Variants in SGCZ observed in about 807,000 individuals in gnomAD.
SGCZ encodes sarcoglycan zeta.
Under a neutral mutation model 41.3 loss-of-function variants are expected in SGCZ, and 40 were observed. That is an observed-to-expected ratio of 0.97 (90% CI 0.75 to 1.26). The LOEUF is 1.26. SGCZ is among the 50% of genes most tolerant of loss of function. SGCZ has a pLI of 0.00. For missense variants in SGCZ, 552 were observed against 369.8 expected, an observed-to-expected ratio of 1.49 and a Z score of -4.04; for synonymous variants, 206 against 137.5, an observed-to-expected ratio of 1.50 and a Z score of -3.49.
chr8:14,600,082 C>G (rs977174000), intron 1 of SGCZ, among the ~76,000 whole-genome samples: 1 of 152,118 alleles, frequency 6.6e-6, no homozygotes, highest in Non-Finnish European at 1.5e-5. Flanking sequence ...TACAAAACCT[C>G]ATTTTATCCC....
intron 1 of SGCZ, among the ~76,000 whole-genome samples, chr8:14,632,695 C>T (rs181704865): frequency 9.2e-5 from 14 of 152,164 alleles, no homozygotes; most frequent in Admixed American, 9.2e-4. Flanking sequence ...CACAATTCAT[C>T]TGAAATCAGG....
At chr8:14,843,848 G>T (rs1015567038) in intron 1 of SGCZ, among the ~76,000 whole-genome samples, 1 of 151,818 alleles carries the variant, frequency 6.6e-6, no homozygotes, top group Non-Finnish European at 1.5e-5. Context: ...TATTACTTGG[G>T]TTCCCAGTCT....
intron 1 of SGCZ, among the ~76,000 whole-genome samples, chr8:14,557,397 G>T (rs1804066800): frequency 6.6e-6 from 1 of 151,852 alleles, no homozygotes; most frequent in South Asian, 2.1e-4. Flanking sequence ...ACCTTTCTGA[G>T]TGTTCCTTTT....
chr8:14,291,553 G>A (rs561930550), intron 3 of SGCZ, among the ~76,000 whole-genome samples: 1 of 151,876 alleles, frequency 6.6e-6, no homozygotes, highest in Non-Finnish European at 1.5e-5. Context: ...TATCTTAGCT[G>A]TCTATACTCT....
intron 1 of SGCZ, among the ~76,000 whole-genome samples, chr8:15,011,980 T>C (rs1015968261): frequency 6.6e-6 from 1 of 152,078 alleles, no homozygotes; most frequent in Non-Finnish European, 1.5e-5. Context: ...CAAAGAAGAG[T>C]AGCTCTATTA....
At chr8:14,703,032 C>A (rs1325650688) in intron 1 of SGCZ, among the ~76,000 whole-genome samples, 1 of 151,860 alleles carries the variant, frequency 6.6e-6, no homozygotes, top group African/African-American at 2.4e-5. Context: ...TTACTACCAT[C>A]CTGAAGCAAG....
At position 14,346,212 on chromosome 8, in the gene SGCZ, T is replaced by C. The variant is rs543795496; in HGVS notation, c.235-22008A>G. Among the ~76,000 whole-genome samples the C allele has an allele frequency of 4.6e-5, 7 of 152,180 alleles. No individual in the cohort carries two copies. The East Asian group carries it at 5.8e-4, about 13-fold the overall frequency. ...ACTGGGGTTGTGGAGTGAGTTGATA[T>C]ATGGGAATTGTTTGTACATTCTGCT... On this transcript the variant is annotated intron_variant, in intron 2 of 7. Transcript: ENST00000382080.
chr8:14,807,190 C>T (rs1012502098), intron 1 of SGCZ, among the ~76,000 whole-genome samples: 2 of 152,016 alleles, frequency 1.3e-5, no homozygotes, highest in African/African-American at 4.8e-5. Flanking sequence ...TGCCCTCTCT[C>T]ACCACTCCTA....
At chr8:14,439,679 A>G (rs916461480) in intron 2 of SGCZ, among the ~76,000 whole-genome samples, 15 of 152,030 alleles carry the variant, frequency 9.9e-5, no homozygotes, top group African/African-American at 3.6e-4. Flanking sequence ...GAAAAATTAC[A>G]TTATCATATG....
At chr8:14,702,772 G>GATAA (rs1809184534) in intron 1 of SGCZ, among the ~76,000 whole-genome samples, 1 of 134,176 alleles carries the variant, frequency 7.5e-6, no homozygotes, top group Admixed American at 7.5e-5. Flanking sequence ...TAGATAGATA[G>GATAA]ATAGATAGAC....
chr8:14,239,716 A>C (rs1473930093), intron 3 of SGCZ, among the ~76,000 whole-genome samples: 7 of 151,074 alleles, frequency 4.6e-5, no homozygotes, highest in African/African-American at 1.2e-4. Context: ...TCCCGGCTAA[A>C]ACGGTGAAAC....
Position 15,093,081 on chromosome 8 carries a change from C to A in SGCZ, c.39+144504G>T. ...TTATCATAGAAACACAAAGTTGGACCCTGGCCCTCCTCCTTAGTAGTCCAT... is the reference window on the plus strand; with the variant it reads ...TTATCATAGAAACACAAAGTTGGACACTGGCCCTCCTCCTTAGTAGTCCAT... On this transcript the variant is annotated intron_variant, in intron 1 of 7. Transcript: ENST00000382080. 1.3e-5 allele frequency among the ~76,000 whole-genome samples: 2 copies of A among 152,064 alleles called. 1 individual carries two copies. Among genetic ancestry groups the A allele is most frequent in the East Asian group, 3.9e-4 (2 of 5,186 alleles).
At chr8:14,597,463 TC>T (rs1481664709) in intron 1 of SGCZ, among the ~76,000 whole-genome samples, 2 of 152,158 alleles carry the variant, frequency 1.3e-5, no homozygotes, top group Non-Finnish European at 2.9e-5. Flanking sequence ...CAATATTCAT[TC>T]CTTTTTTTGT....
intron 1 of SGCZ, among the ~76,000 whole-genome samples, chr8:14,904,692 T>C (rs1799072607): frequency 1.3e-5 from 2 of 152,046 alleles, no homozygotes; most frequent in African/African-American, 4.8e-5. Context: ...CACAGCATTC[T>C]ACTTAGAAAA....
intron 3 of SGCZ, among the ~76,000 whole-genome samples, chr8:14,240,662 T>G (rs1235325359): frequency 1.3e-5 from 2 of 152,226 alleles, no homozygotes; most frequent in African/African-American, 2.4e-5. Flanking sequence ...TTATTTATTA[T>G]AATGTGATCA....
intron 2 of SGCZ, among the ~76,000 whole-genome samples, chr8:14,503,850 T>G (rs1282275511): frequency 6.6e-6 from 1 of 152,212 alleles, no homozygotes; most frequent in Non-Finnish European, 1.5e-5. Flanking sequence ...ATTTCATTTA[T>G]AGACTTATTT....
At chr8:15,017,068 G>A (rs951191241) in intron 1 of SGCZ, among the ~76,000 whole-genome samples, 1 of 152,098 alleles carries the variant, frequency 6.6e-6, no homozygotes, top group African/African-American at 2.4e-5. Flanking sequence ...ATGAGACTTG[G>A]AGGGGACAAA....
chr8:14,270,663 C>A (rs1800027263), intron 3 of SGCZ, among the ~76,000 whole-genome samples: 2 of 152,076 alleles, frequency 1.3e-5, no homozygotes, highest in African/African-American at 4.8e-5. Flanking sequence ...TGAATGTATG[C>A]AATACCACAC....
chr8:14,608,432 T>C (rs1805822171), intron 1 of SGCZ, among the ~76,000 whole-genome samples: 1 of 149,544 alleles, frequency 6.7e-6, no homozygotes, highest in Non-Finnish European at 1.5e-5. Flanking sequence ...ATTTTACTCA[T>C]GGCAAAGGGG....
Sources: allele counts gnomAD v4.1 joint callset (sites outside exome capture counted in the v4.1 genomes callset), GRCh38; gene constraint gnomAD v4.1.1; transcripts MANE v1.5; gene names NCBI Gene and HGNC (gene_info 2026-07-23, HGNC 2026-07-21).